ELAPOR2: variants seen among roughly 807,000 people sequenced by gnomAD.
The protein encoded by ELAPOR2 is endosome/lysosome-associated apoptosis and autophagy regulator family member 2.
ELAPOR2 carries 89 observed loss-of-function variants against 120.7 expected under a neutral mutation model. The observed-to-expected ratio is 0.74, with a 90% CI of 0.62 to 0.88. The LOEUF (loss-of-function observed/expected upper bound fraction) is 0.88. ELAPOR2 is among the 40% of genes least tolerant of loss of function. The probability of loss-of-function intolerance (pLI) is 0.00; values close to 1 mark genes in which losing one functional copy is unlikely to be tolerated. For missense variants in ELAPOR2, 1,134 were observed against 1,251.6 expected (o/e 0.91, Z 1.42); for synonymous variants, 444 against 444.9 (o/e 1.00, Z 0.03).
At chr7:86,913,625 G>A (rs1426954332) in intron 13 of ELAPOR2, among the ~76,000 whole-genome samples, 1 of 152,202 alleles carries the variant, frequency 6.6e-6, no homozygotes, top group African/African-American at 2.4e-5. Flanking sequence ...TTGGAATGGG[G>A]ATGAGAAAAT....
intron 1 of ELAPOR2, among the ~76,000 whole-genome samples, chr7:87,018,290 A>G (rs1018949961): frequency 7.2e-5 from 11 of 152,076 alleles, no homozygotes; most frequent in Non-Finnish European, 1.2e-4. Context: ...CTACCCGCCT[A>G]GTCATCCCAA....
chr7:86,893,595 C>T (rs1371280152), intron 19 of ELAPOR2, among the ~76,000 whole-genome samples: 2 of 151,974 alleles, frequency 1.3e-5, no homozygotes, highest in Non-Finnish European at 2.9e-5. Context: ...AGAACAGACC[C>T]TAGACCTGGG....
intron 1 of ELAPOR2, among the ~76,000 whole-genome samples, chr7:86,981,310 T>C (rs2116553284): frequency 6.6e-6 from 1 of 152,342 alleles, no homozygotes; most frequent in East Asian, 1.9e-4. Flanking sequence ...CTCCTTTCCA[T>C]TTCTTCCCAG....
chr7:86,936,145 C>T (rs910412439), intron 8 of ELAPOR2, among the ~76,000 whole-genome samples: 8 of 151,868 alleles, frequency 5.3e-5, no homozygotes, highest in Non-Finnish European at 1.2e-4. Context: ...TTGAACAACC[C>T]GAGAAACATC....
intron 1 of ELAPOR2, among the ~76,000 whole-genome samples, chr7:87,041,851 T>A (rs1223702274): frequency 6.6e-6 from 1 of 151,996 alleles, no homozygotes; most frequent in Non-Finnish European, 1.5e-5. Context: ...ATCAGTGTGC[T>A]GTATTCAGGA....
chr7:86,947,585 T>C (rs1258918426), intron 3 of ELAPOR2, 142 bp downstream of exon 3: 2 of 716,782 alleles, frequency 2.8e-6, no homozygotes, highest in Admixed American at 5.9e-5. Flanking sequence ...GCAATGACCG[T>C]CCAAAAAACA....
At chr7:86,892,815 TTG>T in intron 20 of ELAPOR2, 105 bp downstream of exon 20, 1 of 1,030,704 alleles carries the variant, frequency 9.7e-7, no homozygotes, top group Non-Finnish European at 1.3e-6. Context: ...GAGAAAATTC[TTG>T]TGTCTCTGAG....
intron 2 of ELAPOR2, among the ~76,000 whole-genome samples, chr7:86,959,475 C>T (rs1371986807): frequency 6.6e-6 from 1 of 152,160 alleles, no homozygotes; most frequent in East Asian, 1.9e-4. Context: ...CCTATATGGC[C>T]TTTACTGTGT....
chr7:86,974,580 A>AGTGTGTGTGTGTGTGTGT (rs35712048), intron 1 of ELAPOR2, among the ~76,000 whole-genome samples: 45 of 138,826 alleles, frequency 3.2e-4, no homozygotes, highest in Middle Eastern at 7.2e-3. Flanking sequence ...GAACCCCTGT[A>AGTGTGTGTGTGTGTGTGT]GTGTGTGTGT....
chr7:87,008,255 C>G (rs9886125), intron 1 of ELAPOR2, among the ~76,000 whole-genome samples: 57,458 of 151,888 alleles, frequency 0.38, 11,706 homozygotes, highest in African/African-American at 0.53. Context: ...CCCAACTGGA[C>G]AGACATTCTA....
At chr7:86,882,086 C>A (rs568502533) in intron 21 of ELAPOR2, among the ~76,000 whole-genome samples, 3 of 152,312 alleles carry the variant, frequency 2.0e-5, no homozygotes, top group Admixed American at 6.5e-5. Context: ...TCTGGAAGAG[C>A]AGACTGTAGA....
chr7:86,942,666 G>A (rs1329508851), intron 4 of ELAPOR2, among the ~76,000 whole-genome samples: 1 of 152,030 alleles, frequency 6.6e-6, no homozygotes, highest in African/African-American at 2.4e-5. Flanking sequence ...CATTTGCCAT[G>A]CCAATTCAAA....
At chr7:86,962,503 C>T (rs963259793) in intron 2 of ELAPOR2, among the ~76,000 whole-genome samples, 2 of 152,108 alleles carry the variant, frequency 1.3e-5, no homozygotes, top group African/African-American at 4.8e-5. Context: ...TTTATGTCCC[C>T]CTTATGGAGA....
At chr7:86,976,644 G>GA (rs1253577960) in intron 1 of ELAPOR2, among the ~76,000 whole-genome samples, 1 of 152,122 alleles carries the variant, frequency 6.6e-6, no homozygotes, top group Non-Finnish European at 1.5e-5. Flanking sequence ...ATAAAAGGGA[G>GA]AAAAAACATG....
Position 86,942,065 on chromosome 7 carries a change from C to A in ELAPOR2, c.694G>T (p.Asp232Tyr). The A allele has an allele frequency of 6.5e-7, 1 of 1,549,494 alleles. No individual in the cohort carries two copies. Among genetic ancestry groups the A allele is most frequent in the Non-Finnish European group, 8.7e-7 (1 of 1,145,196 alleles). The change falls in exon 5 of 22, where the codon GAC becomes TAC. Residue 232 changes from aspartate (D) to tyrosine (Y), a missense_variant. Asp to Tyr is a radical substitution (Grantham distance 160, BLOSUM62 -3). Around this residue, in one of 3 missense-constraint regions of ELAPOR2, gnomAD observed 280 missense variants for 331.5 expected, o/e 0.84. Coordinates refer to ENST00000450689, the MANE Select transcript of ELAPOR2 (RefSeq NM_001142749.3). ...DQCQEMDTTT[D>Y]KWVKLTDNGE... ...TTGTCTGTAAGTTTTACCCACTTGT[C>A]AGTGGTGGTGTCCATCTCCTGGCAC... is the stretch of plus-strand genomic sequence containing the variant.
chr7:86,967,427 C>T (rs1234667560), intron 1 of ELAPOR2, among the ~76,000 whole-genome samples: 1 of 151,966 alleles, frequency 6.6e-6, no homozygotes, highest in Non-Finnish European at 1.5e-5. Flanking sequence ...TGTACTCCAT[C>T]CAGCCTGGGC....
chr7:86,911,717 C>T (rs1354170886), intron 15 of ELAPOR2: 4 of 470,182 alleles, frequency 8.5e-6, no homozygotes, highest in Admixed American at 7.0e-5. Flanking sequence ...AAATTGACAA[C>T]ATAAACAACA....
At chr7:86,919,092 A>C (rs1228266781) in intron 11 of ELAPOR2, 128 bp downstream of exon 11, 2 of 599,946 alleles carry the variant, frequency 3.3e-6, no homozygotes, top group Non-Finnish European at 5.8e-6. Flanking sequence ...TTACCCTGTG[A>C]CAGCTTGTTA....
intron 10 of ELAPOR2, among the ~76,000 whole-genome samples, chr7:86,920,282 G>A (rs1789770516): frequency 6.6e-6 from 1 of 152,110 alleles, no homozygotes; most frequent in African/African-American, 2.4e-5. Flanking sequence ...ATCTAATGTG[G>A]TTGAAAAGAG....
Sources: allele counts gnomAD v4.1 joint callset (sites outside exome capture counted in the v4.1 genomes callset), GRCh38; gene constraint gnomAD v4.1.1; regional missense constraint gnomAD v4.1.1; transcripts MANE v1.5; gene names NCBI Gene and HGNC (gene_info 2026-07-23, HGNC 2026-07-21).